CEP63: variants seen among roughly 807,000 people sequenced by gnomAD.
CEP63 encodes centrosomal protein 63, also known as centrosomal protein of 63 kDa.
Under a neutral mutation model 89.1 loss-of-function variants are expected in CEP63, and 84 were observed. That is an observed-to-expected ratio of 0.94 (90% confidence interval 0.79 to 1.13). CEP63 has a LOEUF of 1.13. Among genes scored for constraint, CEP63 ranks in the 50% most tolerant of loss-of-function variants. CEP63 has a pLI of 0.00. For synonymous variants in CEP63, 267 were observed against 272.5 expected, an observed-to-expected ratio of 0.98 and a Z score of 0.20; for missense variants, 838 against 813.3, an observed-to-expected ratio of 1.03 and a Z score of -0.37.
chr3:134,536,911 C>T (rs964974754), intron 5 of CEP63: 27 of 472,796 alleles, frequency 5.7e-5, no homozygotes, highest in Non-Finnish European at 8.2e-5. Context: ...TTAACATCTG[C>T]GTGTCATACT....
At chr3:134,694,362 C>T in the CEP63 span, among the ~76,000 whole-genome samples, 3 of 152,214 alleles carry the variant, frequency 2.0e-5, no homozygotes, top group Non-Finnish European at 4.4e-5. Context: ...TGCCTAATTT[C>T]AGTTGACATC....
At chr3:134,544,636 T>TG (rs10662414) in intron 6 of CEP63, among the ~76,000 whole-genome samples, 2,342 of 145,092 alleles carry the variant, frequency 0.016, 31 homozygotes, top group African/African-American at 0.025. Context: ...ATGCTCTAGG[T>TG]GGGGGGGGGA....
the CEP63 span, among the ~76,000 whole-genome samples, chr3:134,600,491 A>G: frequency 9.8e-5 from 15 of 152,290 alleles, no homozygotes; most frequent in East Asian, 2.7e-3. Context: ...ACTCACAATG[A>G]TCATAATCAG....
chr3:134,640,065 A>C, the CEP63 span: 1 of 152,250 alleles, frequency 6.6e-6, no homozygotes, highest in East Asian at 1.9e-4. Flanking sequence ...TCCATCTCCA[A>C]AGCCCCTTCC....
chr3:134,486,365 G>C (rs1203930293), intron 1 of CEP63, 163 bp downstream of exon 1: 3 of 985,518 alleles, frequency 3.0e-6, no homozygotes, highest in Non-Finnish European at 3.6e-6. Context: ...TTTGCGCAAC[G>C]GCCTGCGAAC....
At chr3:134,496,968 A>C (rs1044208925) in intron 2 of CEP63, among the ~76,000 whole-genome samples, 5 of 152,080 alleles carry the variant, frequency 3.3e-5, no homozygotes, top group African/African-American at 1.2e-4. Context: ...TAATCATTCT[A>C]ACTGGGGTGA....
At chr3:134,739,031 A>G in the CEP63 span, among the ~76,000 whole-genome samples, 8 of 151,954 alleles carry the variant, frequency 5.3e-5, no homozygotes, top group South Asian at 6.2e-4. Flanking sequence ...ACCCTCATAC[A>G]CTGTTGGTGG....
rs1021760391 is a variant in CEP63, at chr3:134,586,641, A to G, written c.1207-817A>G. Among the ~76,000 whole-genome samples, 6 of 151,562 alleles carry G rather than the reference A, an allele frequency of 4.0e-5. No homozygotes were observed. The South Asian group carries it at 1.3e-3, about 32-fold the overall frequency. On this transcript the variant is annotated intron_variant, in intron 10 of 10. Coordinates refer to the CEP63 transcript ENST00000683931. ...CTTTAACATTTTTTCCTTCATTTCA[A>G]CCTTGATGAATCTGACAATTATTGG...
At chr3:134,716,307 C>T in the CEP63 span, among the ~76,000 whole-genome samples, 1 of 152,188 alleles carries the variant, frequency 6.6e-6, no homozygotes, top group Non-Finnish European at 1.5e-5. Context: ...CTCAGATGCT[C>T]ATATTGTCAA....
At chr3:134,740,025 C>T in the CEP63 span, among the ~76,000 whole-genome samples, 33 of 152,088 alleles carry the variant, frequency 2.2e-4, no homozygotes, top group African/African-American at 1.7e-4. Context: ...CTCCATCCAC[C>T]GTCCTCCACT....
chr3:134,652,467 CT>C, the CEP63 span, among the ~76,000 whole-genome samples: 13 of 150,322 alleles, frequency 8.6e-5, no homozygotes, highest in African/African-American at 3.2e-4. Flanking sequence ...ACCCCACCCC[CT>C]GACTCACCCA....
chr3:134,646,202 A>G, the CEP63 span, among the ~76,000 whole-genome samples: 5 of 152,320 alleles, frequency 3.3e-5, no homozygotes, highest in South Asian at 1.0e-3. Flanking sequence ...GAGTTTTGTT[A>G]GCTTTGGCGT....
the CEP63 span, chr3:134,603,480 C>A: frequency 1.1e-5 from 12 of 1,068,930 alleles, no homozygotes; most frequent in Non-Finnish European, 1.6e-5. Flanking sequence ...GGATTTCATG[C>A]AGACTCAGTG....
the CEP63 span, among the ~76,000 whole-genome samples, chr3:134,634,485 A>T: frequency 2.0e-5 from 3 of 152,248 alleles, no homozygotes; most frequent in Non-Finnish European, 4.4e-5. Flanking sequence ...AAGACAATTC[A>T]GTTGGAAAAA....
the CEP63 span, among the ~76,000 whole-genome samples, chr3:134,647,058 C>G: frequency 6.6e-6 from 1 of 152,190 alleles, no homozygotes; most frequent in Non-Finnish European, 1.5e-5. Flanking sequence ...GTCATACTGT[C>G]CCAAGGCAGA....
At chr3:134,497,557 A>G (rs1940557732) in intron 2 of CEP63, among the ~76,000 whole-genome samples, 1 of 151,528 alleles carries the variant, frequency 6.6e-6, no homozygotes, top group African/African-American at 2.4e-5. Flanking sequence ...TTTTTAAGAG[A>G]TGAGATCTCA....
the CEP63 span, chr3:134,604,595 C>T: frequency 6.1e-6 from 5 of 823,538 alleles, no homozygotes; most frequent in African/African-American, 1.7e-5. Context: ...TGTCTATTTC[C>T]ACGGTGTTAA....
the CEP63 span, among the ~76,000 whole-genome samples, chr3:134,633,825 C>T: frequency 2.0e-5 from 3 of 152,130 alleles, no homozygotes; most frequent in Admixed American, 2.0e-4. Context: ...TCTTTATTCA[C>T]AGTTGATATG....
At chr3:134,758,098 T>TG in the CEP63 span, among the ~76,000 whole-genome samples, 4 of 152,192 alleles carry the variant, frequency 2.6e-5, no homozygotes, top group African/African-American at 9.7e-5. Context: ...ATTATGCCTG[T>TG]TACACGCTTC....
Sources: allele counts gnomAD v4.1 joint callset (sites outside exome capture counted in the v4.1 genomes callset), GRCh38; gene constraint gnomAD v4.1.1; transcripts MANE v1.5; gene names NCBI Gene and HGNC (gene_info 2026-07-23, HGNC 2026-07-21).